Variants in PGCKA1 observed in about 807,000 individuals in gnomAD.
The protein encoded by PGCKA1 is PDCD10 and GCKIII kinases-associated protein 1.
the PGCKA1 span, among the ~76,000 whole-genome samples, chr4:37,487,010 A>G: frequency 6.6e-6 from 1 of 152,164 alleles, no homozygotes; most frequent in Non-Finnish European, 1.5e-5. Context: ...TAAAGTAATC[A>G]CCACTGTGAT....
At chr4:37,478,542 C>A in the PGCKA1 span, among the ~76,000 whole-genome samples, 1 of 152,162 alleles carries the variant, frequency 6.6e-6, no homozygotes, top group Non-Finnish European at 1.5e-5. Flanking sequence ...GTCCTTCAAG[C>A]AAGGAACTAA....
chr4:37,535,067 A>G, the PGCKA1 span, among the ~76,000 whole-genome samples: 13 of 152,212 alleles, frequency 8.5e-5, no homozygotes, highest in Admixed American at 8.5e-4. Context: ...AACTAGGACA[A>G]CTAATCCAGC....
the PGCKA1 span, among the ~76,000 whole-genome samples, chr4:37,502,026 C>A: frequency 2.6e-5 from 4 of 152,144 alleles, no homozygotes; most frequent in African/African-American, 9.7e-5. Flanking sequence ...AGACTGCATG[C>A]CCTAAGGGAT....
At chr4:37,502,498 G>A in the PGCKA1 span, among the ~76,000 whole-genome samples, 2 of 152,126 alleles carry the variant, frequency 1.3e-5, no homozygotes, top group African/African-American at 4.8e-5. Flanking sequence ...TGGTAGTGTT[G>A]ATGCAGGCAC....
the PGCKA1 span, among the ~76,000 whole-genome samples, chr4:37,585,854 G>A: frequency 2.0e-5 from 3 of 151,790 alleles, no homozygotes; most frequent in Admixed American, 1.3e-4. Flanking sequence ...TTCTGTCTAC[G>A]GGACTGTTGT....
the PGCKA1 span, among the ~76,000 whole-genome samples, chr4:37,547,109 G>A: frequency 7.9e-5 from 12 of 152,048 alleles, no homozygotes; most frequent in South Asian, 2.1e-4. Flanking sequence ...CACCCATGGC[G>A]TGCCTTTATC....
At chr4:37,468,376 G>A in the PGCKA1 span, among the ~76,000 whole-genome samples, 1 of 152,234 alleles carries the variant, frequency 6.6e-6, no homozygotes, top group South Asian at 2.1e-4. Context: ...CTCCTCCTTT[G>A]ACCGAAATGA....
chr4:37,518,149 A>T, the PGCKA1 span, among the ~76,000 whole-genome samples: 1 of 152,170 alleles, frequency 6.6e-6, no homozygotes, highest in Admixed American at 6.5e-5. Flanking sequence ...CATTTTCATT[A>T]TCCATTCATC....
At chr4:37,463,810 CA>C in the PGCKA1 span, among the ~76,000 whole-genome samples, 191 of 128,172 alleles carry the variant, frequency 1.5e-3, no homozygotes, top group Middle Eastern at 4.0e-3. Flanking sequence ...TTTATATAAC[CA>C]AAAAAAAAAA....
At chr4:37,547,108 C>G in the PGCKA1 span, among the ~76,000 whole-genome samples, 3 of 151,808 alleles carry the variant, frequency 2.0e-5, no homozygotes, top group Non-Finnish European at 2.9e-5. Context: ...TCACCCATGG[C>G]GTGCCTTTAT....
the PGCKA1 span, among the ~76,000 whole-genome samples, chr4:37,458,240 T>C: frequency 6.6e-6 from 1 of 152,202 alleles, no homozygotes; most frequent in Admixed American, 6.5e-5. Flanking sequence ...GGTTTAGTCA[T>C]GTTCCTACTT....
At chr4:37,544,838 T>G in the PGCKA1 span, among the ~76,000 whole-genome samples, 3,668 of 151,934 alleles carry the variant, frequency 0.024, 160 homozygotes, top group African/African-American at 0.083. Flanking sequence ...GGTTCTTTTT[T>G]GTTTTTTTTT....
At chr4:37,564,818 A>G in the PGCKA1 span, among the ~76,000 whole-genome samples, 1 of 152,008 alleles carries the variant, frequency 6.6e-6, no homozygotes, top group Non-Finnish European at 1.5e-5. Flanking sequence ...GGTGTCTGAC[A>G]TTTTTCAGCA....
At chr4:37,588,654 T>C in the PGCKA1 span, 4 of 542,940 alleles carry the variant, frequency 7.4e-6, no homozygotes, top group African/African-American at 7.6e-5. Flanking sequence ...GTTTGAGAAC[T>C]CTGAAGCGGT....
the PGCKA1 span, among the ~76,000 whole-genome samples, chr4:37,500,167 G>A: frequency 6.6e-6 from 1 of 151,996 alleles, no homozygotes; most frequent in Non-Finnish European, 1.5e-5. Context: ...CTCGTGATCT[G>A]TCCGCCTCAG....
At chr4:37,570,823 G>A in the PGCKA1 span, among the ~76,000 whole-genome samples, 1 of 152,180 alleles carries the variant, frequency 6.6e-6, no homozygotes, top group African/African-American at 2.4e-5. Flanking sequence ...GGAGCCGGAC[G>A]TCCTTGACCC....
At chr4:37,467,814 A>G in the PGCKA1 span, among the ~76,000 whole-genome samples, 193 of 152,364 alleles carry the variant, frequency 1.3e-3, no homozygotes, top group African/African-American at 4.3e-3. Flanking sequence ...GTCAGTGTCC[A>G]GTATCACGTT....
chr4:37,533,854 T>C, the PGCKA1 span, among the ~76,000 whole-genome samples: 3 of 152,222 alleles, frequency 2.0e-5, no homozygotes, highest in Non-Finnish European at 4.4e-5. Flanking sequence ...CAAATAATGG[T>C]GGGAAATGCT....
At chr4:37,573,342 T>A in the PGCKA1 span, among the ~76,000 whole-genome samples, 22 of 152,182 alleles carry the variant, frequency 1.4e-4, no homozygotes, top group African/African-American at 4.6e-4. Flanking sequence ...AGAAGCATTA[T>A]CCCCATTTTA....
Sources: allele counts gnomAD v4.1 joint callset (sites outside exome capture counted in the v4.1 genomes callset), GRCh38; gene constraint gnomAD v4.1.1; transcripts MANE v1.5; gene names NCBI Gene and HGNC (gene_info 2026-07-23, HGNC 2026-07-21).